Variants in PIGK observed in about 807,000 individuals in gnomAD.
The protein encoded by PIGK is GPI-anchor transamidase.
In PIGK, 42 loss-of-function variants were observed where a neutral mutation model predicts 50.6. That is an observed-to-expected ratio of 0.83 (90% CI 0.65 to 1.07). The LOEUF is 1.07. Among genes scored for constraint, PIGK ranks in the 50% least tolerant of loss-of-function variants. The pLI, the probability that PIGK is intolerant of heterozygous loss-of-function variation, is 0.00. For missense variants in PIGK, 448 were observed against 488.7 expected, an observed-to-expected ratio of 0.92 and a Z score of 0.78; for synonymous variants, 151 against 156.0, an observed-to-expected ratio of 0.97 and a Z score of 0.24.
intron 3 of PIGK, among the ~76,000 whole-genome samples, chr1:77,181,119 A>T (rs1437800476): frequency 2.0e-5 from 3 of 152,198 alleles, no homozygotes; most frequent in Non-Finnish European, 4.4e-5. Context: ...CAAAAAAAGT[A>T]GTCAGGAAGC....
chr1:77,108,955 G>A (rs1200166458), intron 10 of PIGK, among the ~76,000 whole-genome samples: 1 of 152,072 alleles, frequency 6.6e-6, no homozygotes, highest in African/African-American at 2.4e-5. Context: ...GTCATTTAAG[G>A]ACTTCTCTAC....
intron 3 of PIGK, among the ~76,000 whole-genome samples, chr1:77,193,406 T>C (rs915315786): frequency 6.6e-6 from 1 of 152,278 alleles, no homozygotes; most frequent in Middle Eastern, 3.4e-3. Flanking sequence ...TTGTGCCTTA[T>C]GTAGCAACTC....
chr1:77,203,285 A>G (rs748979853), intron 3 of PIGK, among the ~76,000 whole-genome samples: 2 of 152,218 alleles, frequency 1.3e-5, no homozygotes, highest in Non-Finnish European at 2.9e-5. Flanking sequence ...TCTTAATCAT[A>G]CTAAACATAC....
At chr1:77,133,645 G>A (rs185830591) in intron 9 of PIGK, among the ~76,000 whole-genome samples, 2 of 152,260 alleles carry the variant, frequency 1.3e-5, no homozygotes, top group East Asian at 1.9e-4. Flanking sequence ...AGTTAAGAGT[G>A]ATACTCTGAT....
chr1:77,135,779 C>T (rs1023628544), intron 9 of PIGK, among the ~76,000 whole-genome samples: 16 of 151,284 alleles, frequency 1.1e-4, no homozygotes, highest in African/African-American at 3.9e-4. Context: ...ATTTACAACC[C>T]TTTTCCCAAA....
chr1:77,117,559 G>C (rs1433130311), intron 10 of PIGK, among the ~76,000 whole-genome samples: 3 of 152,142 alleles, frequency 2.0e-5, no homozygotes, highest in African/African-American at 7.2e-5. Context: ...GTTTCTCTTT[G>C]CACCCAATCT....
intron 3 of PIGK, among the ~76,000 whole-genome samples, chr1:77,171,978 CA>C (rs34823278): frequency 0.11 from 17,146 of 151,740 alleles, 1,308 homozygotes; most frequent in African/African-American, 0.21. Context: ...ACCCTAAAAA[CA>C]TTAATCCCAT....
chr1:77,108,944 G>C (rs889289280), intron 10 of PIGK, among the ~76,000 whole-genome samples: 9 of 152,090 alleles, frequency 5.9e-5, no homozygotes, highest in East Asian at 3.9e-4. Flanking sequence ...AGCTCCATCA[G>C]GTCATTTAAG....
intron 4 of PIGK, among the ~76,000 whole-genome samples, chr1:77,167,185 C>CA (rs1412318311): frequency 6.6e-6 from 1 of 151,944 alleles, no homozygotes; most frequent in African/African-American, 2.4e-5. Context: ...TATGCACACA[C>CA]ACAAAAAATG....
intron 9 of PIGK, among the ~76,000 whole-genome samples, chr1:77,137,810 G>A (rs71658782): frequency 0.11 from 17,166 of 152,084 alleles, 1,302 homozygotes; most frequent in African/African-American, 0.21. Context: ...CACCATGTTG[G>A]CCAGGCTGGT....
At chr1:77,171,733 C>G (rs917428689) in intron 3 of PIGK, among the ~76,000 whole-genome samples, 1 of 151,938 alleles carries the variant, frequency 6.6e-6, no homozygotes, top group Non-Finnish European at 1.5e-5. Context: ...GGATTTCAAA[C>G]GTTTTGAAGT....
At chr1:77,128,421 G>C (rs1372878003) in intron 9 of PIGK, among the ~76,000 whole-genome samples, 1 of 152,110 alleles carries the variant, frequency 6.6e-6, no homozygotes, top group Non-Finnish European at 1.5e-5. Context: ...AGTTAAATAA[G>C]AAGACCTGCC....
chr1:77,147,266 C>T (rs1414280439), intron 9 of PIGK, among the ~76,000 whole-genome samples: 1 of 151,970 alleles, frequency 6.6e-6, no homozygotes, highest in African/African-American at 2.4e-5. Flanking sequence ...TCAATTATCT[C>T]CCACCGGGTC....
rs144134062 is a variant in PIGK, at chr1:77,129,714, A to AAAAT, written c.987-7359_987-7356dup. 7.6e-5 allele frequency: 70 copies of AAAAT among 915,880 alleles called. 2 individuals are homozygous for AAAAT. The highest frequency in any genetic ancestry group is 3.9e-4 in the African/African-American group (23 of 59,284). The allele number at this position is 915,880 out of a possible 1,614,324, so 56.7% of individuals were successfully genotyped here. On this transcript the variant is annotated intron_variant, in intron 9 of 10. Coordinates refer to ENST00000370812, the MANE Select transcript of PIGK (RefSeq NM_005482.3). ...TAATTAAAAGGAAAAATAAAAAATA[A>AAAAT]AAATAAATAAATAAATAAATAAATA...
chr1:77,151,885 G>A (rs544575672), intron 9 of PIGK, among the ~76,000 whole-genome samples: 8 of 152,210 alleles, frequency 5.3e-5, no homozygotes, highest in South Asian at 2.1e-4. Context: ...TGGATTGCAC[G>A]AAATAACATT....
chr1:77,169,521 T>C (rs1022048316), intron 3 of PIGK, 126 bp from the exon 4 acceptor site: 3 of 635,194 alleles, frequency 4.7e-6, no homozygotes, highest in African/African-American at 3.8e-5. Context: ...TTCAACTACA[T>C]AGTTGAAGGC....
chr1:77,154,554 T>A lies in PIGK; in HGVS notation c.881A>T (p.Asp294Val). Reference protein sequence around the residue: ...PGHRTDLFQRDPKNVLITDFF... With the variant: ...PGHRTDLFQRVPKNVLITDFF... ...ATCAGTTATCAGTACATTTTTAGGA[T>A]CCCTCTGAAAAAGATCAGTGCGATG... The change falls in exon 9 of 11, where the codon GAT (aspartate) becomes GTT (valine). Residue 294 changes from aspartate to valine, a missense_variant. Physicochemically the swap from Asp to Val is radical, Grantham distance 152. Transcript: ENST00000370812. 1 of 1,612,344 alleles carries A rather than the reference T, an allele frequency of 6.2e-7. No individual in the cohort carries two copies. Among genetic ancestry groups the A allele is most frequent in the South Asian group, 1.1e-5 (1 of 91,034 alleles).
intron 3 of PIGK, among the ~76,000 whole-genome samples, chr1:77,186,713 T>C (rs930953431): frequency 3.9e-5 from 6 of 152,134 alleles, no homozygotes; most frequent in Non-Finnish European, 7.4e-5. Context: ...ATGAACAAAG[T>C]GGCTATGGTG....
intron 3 of PIGK, among the ~76,000 whole-genome samples, chr1:77,204,002 C>A (rs1656228440): frequency 6.6e-6 from 1 of 152,112 alleles, no homozygotes. Context: ...ATCTGGGCAT[C>A]CAAAAGGAAT....
Sources: gnomAD v4.1 joint callset for allele counts (sites outside exome capture counted in the v4.1 genomes callset) on GRCh38, gnomAD v4.1.1 for gene constraint, MANE v1.5 for transcripts, NCBI Gene and HGNC (gene_info 2026-07-23, HGNC 2026-07-21) for gene names.